Variants in ZNF804B observed in about 807,000 individuals in gnomAD.
The protein encoded by ZNF804B is zinc finger protein 804B.
ZNF804B carries 80 observed loss-of-function variants against 101.4 expected under a neutral mutation model. The ratio of observed to expected loss-of-function variants is 0.79; its 90% CI spans 0.66 to 0.95. The LOEUF is 0.95. Ranked by LOEUF, ZNF804B falls within the 40% of genes least tolerant of loss-of-function variation. ZNF804B has a pLI of 0.00. For missense variants in ZNF804B, 1,673 were observed against 1,561.9 expected, an observed-to-expected ratio of 1.07 and a Z score of -1.20; for synonymous variants, 622 against 558.8, an observed-to-expected ratio of 1.11 and a Z score of -1.59.
intron 1 of ZNF804B, among the ~76,000 whole-genome samples, chr7:89,090,601 A>T (rs921440476): frequency 6.6e-6 from 1 of 152,040 alleles, no homozygotes; most frequent in Non-Finnish European, 1.5e-5. Context: ...AAGATGAAAA[A>T]ATAGGAAATT....
chr7:88,916,949 T>C (rs565385854), intron 1 of ZNF804B, among the ~76,000 whole-genome samples: 16 of 152,192 alleles, frequency 1.1e-4, no homozygotes, highest in African/African-American at 3.6e-4. Flanking sequence ...TAAAATTAGC[T>C]GTAATATAAT....
chr7:88,974,233 T>C (rs953095811), intron 1 of ZNF804B, among the ~76,000 whole-genome samples: 7 of 150,808 alleles, frequency 4.6e-5, no homozygotes, highest in African/African-American at 9.7e-5. Flanking sequence ...TAAACACAAA[T>C]ATGTAAATAC....
At position 88,865,951 on chromosome 7, in the gene ZNF804B, T is replaced by C. The variant is rs186195252; in HGVS notation, c.108+105867T>C. Among the ~76,000 whole-genome samples, 300 of 152,340 alleles carry C rather than the reference T, an allele frequency of 2.0e-3. 4 individuals are homozygous for C. The highest frequency in any genetic ancestry group is 1.5e-3 in the Non-Finnish European group (101 of 68,034). On this transcript the variant is annotated intron_variant, in intron 1 of 3. Coordinates refer to ENST00000333190, the MANE Select transcript of ZNF804B (RefSeq NM_181646.5). The stretch of plus-strand genomic sequence containing the variant: ...TATCACATTGGTTTAATATGGTATG[T>C]TTTATACATCCTTCCAAAAATATTG...
At chr7:89,139,157 A>C (rs551924901) in intron 1 of ZNF804B, among the ~76,000 whole-genome samples, 1 of 152,280 alleles carries the variant, frequency 6.6e-6, no homozygotes, top group African/African-American at 2.4e-5. Context: ...TTATGTTTAC[A>C]CTATGCTGTA....
At chr7:89,112,355 C>CT (rs1423108819) in intron 1 of ZNF804B, among the ~76,000 whole-genome samples, 1 of 152,112 alleles carries the variant, frequency 6.6e-6, no homozygotes. Context: ...AATTATTCCT[C>CT]TACCATTTGT....
intron 1 of ZNF804B, among the ~76,000 whole-genome samples, chr7:88,811,961 C>T (rs573874203): frequency 1.3e-5 from 2 of 152,192 alleles, no homozygotes; most frequent in African/African-American, 4.8e-5. Flanking sequence ...CACATGTACC[C>T]CAGAACTTTA....
At chr7:88,794,398 G>T (rs529731262) in intron 1 of ZNF804B, 2 of 1,613,788 alleles carry the variant, frequency 1.2e-6, no homozygotes, top group East Asian at 4.5e-5. Context: ...AAGGTAGAGT[G>T]ACAGTTTATG....
intron 2 of ZNF804B, among the ~76,000 whole-genome samples, chr7:89,254,651 A>AC (rs1242328995): frequency 8.5e-6 from 1 of 117,560 alleles, no homozygotes; most frequent in Non-Finnish European, 1.9e-5. Context: ...TATTTTTATT[A>AC]TTTTTTTTTT....
intron 2 of ZNF804B, among the ~76,000 whole-genome samples, chr7:89,324,614 T>C (rs1250481656): frequency 6.7e-6 from 1 of 149,488 alleles, no homozygotes; most frequent in African/African-American, 2.4e-5. Context: ...TTACTTTTTT[T>C]TTTTTTTTTT....
intron 1 of ZNF804B, among the ~76,000 whole-genome samples, chr7:89,156,221 C>A (rs929817770): frequency 5.9e-5 from 9 of 151,976 alleles, no homozygotes; most frequent in African/African-American, 1.9e-4. Flanking sequence ...TCAAGCAATT[C>A]TCCTGCCTCA....
chr7:89,149,753 G>A (rs954165383), intron 1 of ZNF804B, among the ~76,000 whole-genome samples: 1 of 151,230 alleles, frequency 6.6e-6, no homozygotes, highest in East Asian at 1.9e-4. Context: ...GAAGCAAATG[G>A]TGATCCCCAT....
Position 88,794,711 on chromosome 7 carries a change from T to G in ZNF804B, c.108+34627T>G, listed in dbSNP as rs145685489. 5.2e-4 allele frequency: 845 copies of G among 1,613,680 alleles called. 7 individuals are homozygous for G. In the East Asian group the frequency reaches 0.015, roughly 29 times the overall value. On this transcript the variant is annotated intron_variant, in intron 1 of 3. Coordinates refer to ENST00000333190, the MANE Select transcript of ZNF804B (RefSeq NM_181646.5). ...GTCACTGCTTCTCCTAGGTGATGTT[T>G]CAAAACTGACTGAAACATTTGTTCA...
At chr7:88,834,868 T>G (rs953672646) in intron 1 of ZNF804B, among the ~76,000 whole-genome samples, 1 of 151,792 alleles carries the variant, frequency 6.6e-6, no homozygotes, top group Admixed American at 6.6e-5. Flanking sequence ...AATAAAAGTA[T>G]GATGAAATAC....
intron 1 of ZNF804B, among the ~76,000 whole-genome samples, chr7:88,812,467 G>A (rs1055942303): frequency 6.6e-6 from 1 of 152,058 alleles, no homozygotes; most frequent in African/African-American, 2.4e-5. Flanking sequence ...GTTCCTCAAA[G>A]CACAAAAATA....
At position 89,338,266 on chromosome 7, in the gene ZNF804B, T is replaced by C. The variant is rs1791135561; in HGVS notation, c.*1234T>C. ...ACGAAGATGCAAACTCCTCTACCAC[T>C]AGAAGATTAGAGGATGTCTTCTTCA... On this transcript the variant is annotated 3_prime_UTR_variant, in exon 4 of 4. Coordinates refer to ENST00000333190, the MANE Select transcript of ZNF804B (RefSeq NM_181646.5). 6.6e-6 allele frequency among the ~76,000 whole-genome samples: 1 copy of C among 152,082 alleles called. No homozygotes were observed. Among genetic ancestry groups the C allele is most frequent in the South Asian group, 2.1e-4 (1 of 4,828 alleles).
intron 1 of ZNF804B, among the ~76,000 whole-genome samples, chr7:88,782,450 TATATAC>T (rs984653043): frequency 1.3e-5 from 2 of 152,130 alleles, no homozygotes; most frequent in Non-Finnish European, 1.5e-5. Flanking sequence ...TTTAGTTATA[TATATAC>T]ATATATGTAT....
intron 1 of ZNF804B, among the ~76,000 whole-genome samples, chr7:89,076,325 G>A (rs965442639): frequency 2.0e-5 from 3 of 151,824 alleles, no homozygotes; most frequent in African/African-American, 4.8e-5. Flanking sequence ...TGCTGTTCTC[G>A]TGAGAGTGAA....
intron 1 of ZNF804B, among the ~76,000 whole-genome samples, chr7:88,957,938 A>G (rs773756872): frequency 3.3e-5 from 5 of 150,686 alleles, no homozygotes; most frequent in African/African-American, 4.8e-5. Context: ...GTGTGTGTAT[A>G]TATATACAGA....
Position 89,239,576 on chromosome 7 carries a change from A to C in ZNF804B, c.249+21281A>C, listed in dbSNP as rs541714179. Among the ~76,000 whole-genome samples the C allele has an allele frequency of 9.2e-5, 14 of 152,270 alleles. No individual in the cohort carries two copies. The South Asian group carries it at 2.9e-3, about 32-fold the overall frequency. On this transcript the variant is annotated intron_variant, in intron 2 of 3. Transcript: ENST00000333190. ...GAACATGTAAGGAACTTATCAATTG[A>C]ATATAAAATTAAGCTACTTAAAAAT...
Sources: gnomAD v4.1 joint callset for allele counts (sites outside exome capture counted in the v4.1 genomes callset) on GRCh38, gnomAD v4.1.1 for gene constraint, MANE v1.5 for transcripts, NCBI Gene and HGNC (gene_info 2026-07-23, HGNC 2026-07-21) for gene names.